The following NHLRC3 variants were observed in gnomAD, a reference collection of about 807,000 sequenced individuals.
NHLRC3 encodes NHL repeat containing 3.
Under a neutral mutation model 32.0 loss-of-function variants are expected in NHLRC3, and 23 were observed. The observed-to-expected ratio is 0.72, with a 90% confidence interval of 0.52 to 1.02. NHLRC3 has a LOEUF of 1.02. Ranked by LOEUF, NHLRC3 falls within the 50% of genes least tolerant of loss-of-function variation. The pLI, the probability that NHLRC3 is intolerant of heterozygous loss-of-function variation, is 0.00. For missense variants in NHLRC3, 407 were observed against 406.8 expected (o/e 1.00, Z -0.01); for synonymous variants, 159 against 147.9 (o/e 1.08, Z -0.55).
At chr13:39,043,610 A>G (rs1391599107) in intron 4 of NHLRC3, among the ~76,000 whole-genome samples, 1 of 152,178 alleles carries the variant, frequency 6.6e-6, no homozygotes, top group Non-Finnish European at 1.5e-5. Context: ...TTATCTGCAA[A>G]AACTATTTCC....
At chr13:39,040,540 G>A (rs1871428599) in intron 3 of NHLRC3, 1 of 152,200 alleles carries the variant, frequency 6.6e-6, no homozygotes, top group Non-Finnish European at 1.5e-5. Flanking sequence ...GCTGAAAAAT[G>A]AAGTGAGCAC....
At chr13:39,044,742 C>T (rs1871604030) in intron 5 of NHLRC3, among the ~76,000 whole-genome samples, 1 of 152,216 alleles carries the variant, frequency 6.6e-6, no homozygotes, top group South Asian at 2.1e-4. Context: ...ACCCTACTCA[C>T]TACTATCTCT....
Position 39,049,184 on chromosome 13 carries a change from T to C in NHLRC3, c.*1258T>C, listed in dbSNP as rs1459989807. 6.6e-6 allele frequency: 1 copy of C among 152,648 alleles called. No homozygotes were observed. The highest frequency in any genetic ancestry group is 2.4e-5 in the African/African-American group (1 of 41,442). The allele number at this position is 152,648 out of a possible 1,614,324, so 9.5% of individuals were successfully genotyped here. On this transcript the variant is annotated 3_prime_UTR_variant, in exon 7 of 7. Coordinates refer to ENST00000379600, the MANE Select transcript of NHLRC3 (RefSeq NM_001012754.4). The stretch of plus-strand genomic sequence containing the variant: ...TTTCCCAGTGTTTTACTGTAAATTG[T>C]GTAGCATATGACAAATCTTGAGCTG...
At chr13:39,039,085 T>TTTG in intron 1 of NHLRC3, 51 bp from the exon 2 acceptor site, 3 of 1,328,008 alleles carry the variant, frequency 2.3e-6, no homozygotes, top group Non-Finnish European at 3.2e-6. Flanking sequence ...GCCCTTTTTT[T>TTTG]GTTCTTACCT....
intron 6 of NHLRC3, 21 bp downstream of exon 6, chr13:39,047,173 C>A: frequency 7.2e-7 from 1 of 1,393,932 alleles, no homozygotes; most frequent in Non-Finnish European, 1.0e-6. Context: ...CATTTTATTG[C>A]AAAATGCTTG....
intron 5 of NHLRC3, among the ~76,000 whole-genome samples, chr13:39,044,858 T>C (rs1871609654): frequency 6.6e-6 from 1 of 152,250 alleles, no homozygotes; most frequent in Admixed American, 6.5e-5. Flanking sequence ...CCTGCTCTTT[T>C]CCTATAGCAG....
intron 1 of NHLRC3, 97 bp downstream of exon 1, chr13:39,038,820 C>A: frequency 2.0e-6 from 2 of 998,960 alleles, no homozygotes; most frequent in Non-Finnish European, 3.2e-6. Context: ...GGCCCTGGTT[C>A]CCTCAGTAGC....
rs917172455 is a variant in NHLRC3 at position 39,048,838 on chromosome 13, T to G, written c.*912T>G. Reference sequence around the variant, plus strand: ...AACTAAGGATTGTAGAGCTTCCTTCTCTTTTTTTTTCTTTTTCTTTCTTTT... The same window carrying G: ...AACTAAGGATTGTAGAGCTTCCTTCGCTTTTTTTTTCTTTTTCTTTCTTTT... On this transcript the variant is annotated 3_prime_UTR_variant, in exon 7 of 7. Transcript: ENST00000379600. The G allele has an allele frequency of 3.9e-5, 6 of 152,580 alleles. No homozygotes were observed. Among genetic ancestry groups the G allele is most frequent in the African/African-American group, 1.4e-4 (6 of 41,434 alleles). The allele number at this position is 152,580 out of a possible 1,614,324, so 9.5% of individuals were successfully genotyped here. A position where few individuals can be genotyped will look rare whatever the true frequency, so the allele number is the denominator to read the frequency against.
At chr13:39,044,745 C>T (rs1185744814) in intron 5 of NHLRC3, among the ~76,000 whole-genome samples, 2 of 152,188 alleles carry the variant, frequency 1.3e-5, no homozygotes, top group Non-Finnish European at 2.9e-5. Flanking sequence ...CTACTCACTA[C>T]TATCTCTTTT....
Position 39,044,147 on chromosome 13 carries a change from T to C in NHLRC3, c.644T>C (p.Ile215Thr), listed in dbSNP as rs774395984. The C allele has an allele frequency of 2.5e-6, 4 of 1,613,550 alleles. No homozygotes were observed. The highest frequency in any genetic ancestry group is 1.1e-5 in the South Asian group (1 of 91,064). Reference sequence around the variant, plus strand: ...GGGACAGGGCCTGCTAAGTTCAACATACCTCACAGTGTTACACTTGATTCA... The same window carrying C: ...GGGACAGGGCCTGCTAAGTTCAACACACCTCACAGTGTTACACTTGATTCA... Reference protein sequence around the residue: ...ENGTGPAKFNIPHSVTLDSAG... With the variant: ...ENGTGPAKFNTPHSVTLDSAG... The change falls in exon 5 of 7, where the codon ATA (isoleucine) becomes ACA (threonine). Residue 215 changes from isoleucine (I) to threonine (T), a missense_variant. By Grantham distance (89) the Ile-to-Thr change is moderately conservative. Transcript: ENST00000379600.
intron 6 of NHLRC3, among the ~76,000 whole-genome samples, 155 bp downstream of exon 6, chr13:39,047,307 A>G (rs1329006185): frequency 2.0e-5 from 3 of 152,238 alleles, no homozygotes; most frequent in Non-Finnish European, 2.9e-5. Context: ...CAAGATTTTC[A>G]GATGCCAGGT....
In NHLRC3 at chr13:39,049,461, G is replaced by C. The variant is rs1489505924; in HGVS notation, c.*1535G>C. On this transcript the variant is annotated 3_prime_UTR_variant, in exon 7 of 7. Transcript: ENST00000379600. ...GTCTCCTCTTTCATGAATGCTGTGAGAATCAGATGTGCAACAGGTACAGAC... is the reference window on the plus strand; with the variant it reads ...GTCTCCTCTTTCATGAATGCTGTGACAATCAGATGTGCAACAGGTACAGAC... The C allele has an allele frequency of 6.6e-6, 1 of 152,194 alleles. No homozygotes were observed. Among genetic ancestry groups the C allele is most frequent in the South Asian group, 2.1e-4 (1 of 4,832 alleles). The allele number at this position is 152,194 out of a possible 1,614,324, so 9.4% of individuals were successfully genotyped here.
At chr13:39,047,192 A>G (rs752852781) in intron 6 of NHLRC3, 40 bp downstream of exon 6, 4 of 1,142,304 alleles carry the variant, frequency 3.5e-6, no homozygotes. Context: ...TGTTTTAGTT[A>G]GTGTATGTGT....
chr13:39,044,703 A>G (rs1262445160), intron 5 of NHLRC3, among the ~76,000 whole-genome samples: 1 of 152,212 alleles, frequency 6.6e-6, no homozygotes, highest in Non-Finnish European at 1.5e-5. Context: ...GCTTTAGCCA[A>G]CAAATTTCAA....
At position 39,039,231 on chromosome 13, in the gene NHLRC3, C is replaced by G; in HGVS notation, c.180C>G (p.Thr60=). ...GGCCTAAGCACCCAGAATATTTTACCGGAACAACATTTTGTGTTGCAGTTG... is the reference window on the plus strand; with the variant it reads ...GGCCTAAGCACCCAGAATATTTTACGGGAACAACATTTTGTGTTGCAGTTG... ...VGWPKHPEYF[T]GTTFCVAVDS... Residue 60 remains threonine, a synonymous_variant, in exon 2 of 7, where the codon ACC becomes ACG. Transcript: ENST00000379600. 1.2e-6 allele frequency: 2 copies of G among 1,613,854 alleles called. No individual in the cohort carries two copies. The highest frequency in any genetic ancestry group is 1.7e-6 in the Non-Finnish European group (2 of 1,179,804).
chr13:39,039,617 A>G lies in NHLRC3; in HGVS notation c.291A>G (p.Leu97=), dbSNP rs200843733. The G allele has an allele frequency of 2.2e-5, 35 of 1,611,398 alleles. No homozygotes were observed. The highest frequency in any genetic ancestry group is 3.3e-5 in the Admixed American group (2 of 60,018). The change falls in exon 3 of 7, where the codon CTA becomes CTG. Residue 97 remains leucine, a synonymous_variant. Transcript: ENST00000379600. ...ILVFTEDGYF[L]RAWNYTVDTP... ...TGTTCACAGAGGATGGATATTTCCTACGAGCCTGGAATTATACAGTTGACA... is the reference window on the plus strand; with the variant it reads ...TGTTCACAGAGGATGGATATTTCCTGCGAGCCTGGAATTATACAGTTGACA...
Position 39,049,070 on chromosome 13 carries a change from G to A in NHLRC3, c.*1144G>A, listed in dbSNP as rs913803224. ...ACCTTTTTTTTTTTTTTTCCAGTTTGTTTTAGCTTATTATAGGTTTTGGAG... is the reference window on the plus strand; with the variant it reads ...ACCTTTTTTTTTTTTTTTCCAGTTTATTTTAGCTTATTATAGGTTTTGGAG... On this transcript the variant is annotated 3_prime_UTR_variant, in exon 7 of 7. Transcript: ENST00000379600. 8.1e-6 allele frequency: 1 copy of A among 123,854 alleles called. No homozygotes were observed. The highest frequency in any genetic ancestry group is 1.7e-5 in the Non-Finnish European group (1 of 59,576). The allele number at this position is 123,854 out of a possible 1,614,324, so 7.7% of individuals were successfully genotyped here. A position where few individuals can be genotyped will look rare whatever the true frequency, so the allele number is the denominator to read the frequency against.
chr13:39,043,754 G>C (rs1871552118), intron 4 of NHLRC3, among the ~76,000 whole-genome samples: 1 of 152,116 alleles, frequency 6.6e-6, no homozygotes, highest in Admixed American at 6.6e-5. Context: ...AAGGTCTGTG[G>C]AATACTAATA....
chr13:39,044,180 G>C lies in NHLRC3; in HGVS notation c.677G>C (p.Arg226Pro). 6.2e-7 allele frequency: 1 copy of C among 1,605,308 alleles called. No individual in the cohort carries two copies. The highest frequency in any genetic ancestry group is 8.5e-7 in the Non-Finnish European group (1 of 1,172,336). Residue 226 changes from arginine to proline, a missense_variant and splice_region_variant, in exon 5 of 7, where the codon CGG (arginine) becomes CCG (proline). Coordinates refer to ENST00000379600, the MANE Select transcript of NHLRC3 (RefSeq NM_001012754.4). ...PHSVTLDSAG[R>P]VWVADRGNKR... ...AGTGTTACACTTGATTCAGCTGGTC[G>C]GGTACAAATACAGCGTCATTGTGTC...
Sources: allele counts gnomAD v4.1 joint callset (sites outside exome capture counted in the v4.1 genomes callset), GRCh38; gene constraint gnomAD v4.1.1; transcripts MANE v1.5; gene names NCBI Gene and HGNC (gene_info 2026-07-23, HGNC 2026-07-21).